Variants in FRMPD3 observed in about 807,000 individuals in gnomAD.
The protein encoded by FRMPD3 is FERM and PDZ domain containing 3.
A neutral mutation model predicts 97.9 loss-of-function variants in FRMPD3; 42 were observed. The observed-to-expected ratio is 0.43, with a 90% CI of 0.34 to 0.55. The LOEUF (loss-of-function observed/expected upper bound fraction) is 0.55, where lower values mean the gene tolerates loss of function less well. Among genes scored for constraint, FRMPD3 ranks in the 20% least tolerant of loss-of-function variants. The pLI is 0.03. For missense variants in FRMPD3, 1,303 were observed against 1,457.7 expected (o/e 0.89, Z 1.73); for synonymous variants, 577 against 581.1 (o/e 0.99, Z 0.10).
At chrX:107,459,617 T>C (rs1270139270) in intron 1 of FRMPD3, among the ~76,000 whole-genome samples, 1 of 112,432 alleles carries the variant, frequency 8.9e-6, no homozygotes, top group Non-Finnish European at 1.9e-5. Context: ...GAACTGCAGA[T>C]AAAGGGATAT....
chrX:107,540,780 A>G (rs1049062524), intron 4 of FRMPD3, among the ~76,000 whole-genome samples: 1 of 112,142 alleles, frequency 8.9e-6, no homozygotes, highest in African/African-American at 3.2e-5. Flanking sequence ...ATGGATTGGG[A>G]TCTCTTCAAC....
intron 4 of FRMPD3, among the ~76,000 whole-genome samples, chrX:107,542,551 C>G (rs1921362084): frequency 8.9e-6 from 1 of 111,927 alleles, no homozygotes; most frequent in African/African-American, 3.3e-5. Context: ...GACTGACACT[C>G]ACTGCCTGAG....
chrX:107,592,453 T>C (rs1569428688), intron 13 of FRMPD3, among the ~76,000 whole-genome samples: 1 of 111,388 alleles, frequency 9.0e-6, no homozygotes, highest in Non-Finnish European at 1.9e-5. Flanking sequence ...GGTGCAATCT[T>C]GGCTCCAAAA....
At chrX:107,518,710 T>C (rs1181575166) in intron 1 of FRMPD3, among the ~76,000 whole-genome samples, 3 of 112,167 alleles carry the variant, frequency 2.7e-5, no homozygotes, top group Non-Finnish European at 3.8e-5. Context: ...TAGAATTACC[T>C]TACGATTCAG....
At chrX:107,515,576 G>A (rs1922293414) in intron 1 of FRMPD3, among the ~76,000 whole-genome samples, 1 of 111,979 alleles carries the variant, frequency 8.9e-6, no homozygotes, top group South Asian at 3.8e-4. Context: ...AAAAAAAAGA[G>A]ATGAAGTGGA....
chrX:107,505,927 C>T (rs937052106), intron 1 of FRMPD3, among the ~76,000 whole-genome samples: 6 of 111,670 alleles, frequency 5.4e-5, no homozygotes, highest in African/African-American at 2.0e-4. Context: ...ATTCTCTCCA[C>T]GTTGTCTCTG....
At chrX:107,474,969 G>A (rs768719386) in intron 1 of FRMPD3, among the ~76,000 whole-genome samples, 17 of 111,810 alleles carry the variant, frequency 1.5e-4, no homozygotes, top group Admixed American at 2.8e-4. Context: ...GACTACAAGT[G>A]GAGAACGGGT....
At chrX:107,507,630 G>C (rs1218981202) in intron 1 of FRMPD3, among the ~76,000 whole-genome samples, 1 of 112,669 alleles carries the variant, frequency 8.9e-6, no homozygotes, top group Non-Finnish European at 1.9e-5. Context: ...GCGAAGCTCC[G>C]CGGGGTGGAG....
At chrX:107,508,791 A>G (rs917984908) in intron 1 of FRMPD3, among the ~76,000 whole-genome samples, 1 of 111,755 alleles carries the variant, frequency 8.9e-6, no homozygotes, top group African/African-American at 3.3e-5. Flanking sequence ...AGTGTTCTGC[A>G]TGGATTTGGG....
chrX:107,458,954 G>A (rs1326912965), intron 1 of FRMPD3, among the ~76,000 whole-genome samples: 1 of 112,069 alleles, frequency 8.9e-6, no homozygotes, highest in Non-Finnish European at 1.9e-5. Context: ...ACTTGTTTTT[G>A]TCTCACTCGC....
At chrX:107,497,462 A>T (rs1394120174) in intron 1 of FRMPD3, among the ~76,000 whole-genome samples, 1 of 112,430 alleles carries the variant, frequency 8.9e-6, no homozygotes, top group Non-Finnish European at 1.9e-5. Context: ...GCCCTGCAGC[A>T]GACCATTTGT....
At chrX:107,554,526 C>G (rs1353377642) in intron 8 of FRMPD3, 22 bp downstream of exon 8, 2 of 1,198,407 alleles carry the variant, frequency 1.7e-6, no homozygotes, top group South Asian at 3.6e-5. Flanking sequence ...CTTGGGGATA[C>G]ACAGACAGAC....
chrX:107,578,847 G>A (rs57658746), intron 13 of FRMPD3, among the ~76,000 whole-genome samples: 18,659 of 110,412 alleles, frequency 0.17, 3,410 homozygotes, highest in African/African-American at 0.54. Flanking sequence ...GCTCTACCTG[G>A]GTTCACTGAG....
chrX:107,576,231 T>G (rs996573475), intron 12 of FRMPD3, 84 bp from the exon 13 acceptor site: 45 of 1,071,327 alleles, frequency 4.2e-5, no homozygotes, highest in Non-Finnish European at 5.7e-5. Flanking sequence ...ATGCAAGTCA[T>G]CTTTTGCTAG....
intron 3 of FRMPD3, 87 bp from the exon 4 acceptor site, chrX:107,533,418 C>T: frequency 1.2e-6 from 1 of 835,933 alleles, no homozygotes; most frequent in Non-Finnish European, 1.8e-6. Flanking sequence ...TGAATAAAGC[C>T]AGGGGAAGAT....
intron 1 of FRMPD3, among the ~76,000 whole-genome samples, chrX:107,471,700 T>C (rs1320349575): frequency 1.8e-5 from 2 of 112,363 alleles, no homozygotes; most frequent in Non-Finnish European, 3.7e-5. Flanking sequence ...CGGTCTATCA[T>C]TGATGGGCAT....
At chrX:107,566,099 G>C (rs766580549) in intron 12 of FRMPD3, among the ~76,000 whole-genome samples, 2 of 112,694 alleles carry the variant, frequency 1.8e-5, no homozygotes, top group African/African-American at 6.4e-5. Flanking sequence ...TGTCGCCTGT[G>C]CAAAGTCTGG....
chrX:107,558,912 T>C (rs1218595367), intron 8 of FRMPD3, among the ~76,000 whole-genome samples: 1 of 111,005 alleles, frequency 9.0e-6, no homozygotes, highest in Non-Finnish European at 1.9e-5. Context: ...CTCAAACTCC[T>C]GACCTCAAGT....
chrX:107,563,011 G>A, intron 10 of FRMPD3, 100 bp from the exon 11 acceptor site: 1 of 586,754 alleles, frequency 1.7e-6, no homozygotes, highest in Non-Finnish European at 2.8e-6. Context: ...CTTGCTGACT[G>A]GTGCCTGTCC....
Sources: allele counts gnomAD v4.1 joint callset (sites outside exome capture counted in the v4.1 genomes callset), GRCh38; gene constraint gnomAD v4.1.1; transcripts MANE v1.5; gene names NCBI Gene and HGNC (gene_info 2026-07-23, HGNC 2026-07-21).